CRPPA: variants seen among roughly 807,000 people sequenced by gnomAD.
CRPPA encodes the protein D-ribitol-5-phosphate cytidylyltransferase.
In CRPPA, 43 loss-of-function variants were observed where a neutral mutation model predicts 52.0. That is an observed-to-expected ratio of 0.83 (90% CI 0.65 to 1.07). The LOEUF is 1.07. Among genes scored for constraint, CRPPA ranks in the 50% least tolerant of loss-of-function variants. The probability of loss-of-function intolerance (pLI) is 0.00; values close to 1 mark genes in which losing one functional copy is unlikely to be tolerated. For synonymous variants in CRPPA, 250 were observed against 203.5 expected (o/e 1.23, Z -1.94); for missense variants, 629 against 551.7 (o/e 1.14, Z -1.40).
intron 3 of CRPPA, among the ~76,000 whole-genome samples, chr7:16,323,039 G>A (rs758431844): frequency 2.6e-5 from 4 of 152,062 alleles, no homozygotes; most frequent in Non-Finnish European, 5.9e-5. Flanking sequence ...CCGACCCTAT[G>A]ATCTAATTAC....
chr7:16,126,180 T>C (rs1261333266), intron 9 of CRPPA, among the ~76,000 whole-genome samples: 1 of 152,120 alleles, frequency 6.6e-6, no homozygotes, highest in Non-Finnish European at 1.5e-5. Flanking sequence ...CCAATAAAGC[T>C]ATATTCTTAG....
intron 8 of CRPPA, among the ~76,000 whole-genome samples, chr7:16,251,294 C>T (rs1393128453): frequency 1.3e-5 from 2 of 152,052 alleles, no homozygotes; most frequent in East Asian, 1.9e-4. Flanking sequence ...TTTAACACCC[C>T]ACTGTCAATA....
intron 5 of CRPPA, among the ~76,000 whole-genome samples, chr7:16,287,446 A>C (rs1425262570): frequency 6.6e-6 from 1 of 152,188 alleles, no homozygotes; most frequent in Non-Finnish European, 1.5e-5. Flanking sequence ...CAGGCTCTGT[A>C]CTAGGATCAT....
intron 9 of CRPPA, among the ~76,000 whole-genome samples, chr7:16,108,464 T>C (rs78742158): frequency 0.039 from 5,917 of 151,762 alleles, 375 homozygotes; most frequent in African/African-American, 0.13. Flanking sequence ...ATGAAACAAA[T>C]ATTAAAGATC....
chr7:16,278,083 G>A, intron 6 of CRPPA, 46 bp downstream of exon 6: 5 of 957,754 alleles, frequency 5.2e-6, no homozygotes, highest in Non-Finnish European at 4.9e-6. Flanking sequence ...TACTATAAAA[G>A]TTTTTGGCAA....
intron 9 of CRPPA, among the ~76,000 whole-genome samples, chr7:16,157,877 T>C (rs547913508): frequency 3.4e-4 from 52 of 151,940 alleles, no homozygotes; most frequent in African/African-American, 1.0e-3. Context: ...TATTTCTTTT[T>C]TTTTTTATTT....
intron 9 of CRPPA, among the ~76,000 whole-genome samples, chr7:16,173,525 G>A (rs1527199): frequency 0.47 from 71,393 of 151,916 alleles, 16,932 homozygotes; most frequent in South Asian, 0.62. Flanking sequence ...AACCTACTAC[G>A]TGGACCACTT....
intron 9 of CRPPA, among the ~76,000 whole-genome samples, chr7:16,202,724 C>A (rs145569430): frequency 6.6e-6 from 1 of 152,182 alleles, no homozygotes; most frequent in African/African-American, 2.4e-5. Flanking sequence ...TGGAAAGACA[C>A]GAATGTGATA....
rs1781737949 is a variant in CRPPA, at chr7:16,088,307, T to A, written c.*3388A>T. ...ACCTTGAAGCATAATCACTATTATT[T>A]TTTAAGAGATTTTGGAAAATAAAGT... On this transcript the variant is annotated 3_prime_UTR_variant, in exon 10 of 10. Coordinates refer to ENST00000407010, the MANE Select transcript of CRPPA (RefSeq NM_001101426.4). 1.3e-5 allele frequency: 2 copies of A among 152,184 alleles called. No homozygotes were observed. The allele number at this position is 152,184 out of a possible 1,614,324, so 9.4% of individuals were successfully genotyped here. A position where few individuals can be genotyped will look rare whatever the true frequency, so the allele number is the denominator to read the frequency against.
At chr7:16,162,637 G>A (rs1363441668) in intron 9 of CRPPA, among the ~76,000 whole-genome samples, 2 of 152,158 alleles carry the variant, frequency 1.3e-5, no homozygotes, top group African/African-American at 4.8e-5. Flanking sequence ...GTGGTGCTGA[G>A]AAGAATGTAT....
Position 16,127,890 on chromosome 7 carries a change from G to A in CRPPA, c.1252-36091C>T, listed in dbSNP as rs951973494. Among the ~76,000 whole-genome samples, 3 of 152,138 alleles carry A rather than the reference G, an allele frequency of 2.0e-5. 1 individual carries two copies. The highest frequency in any genetic ancestry group is 6.6e-5 in the Admixed American group (1 of 15,250). Reference sequence around the variant, plus strand: ...TTCTTACAATGAATTTTTGTTGACTGATTAAACGTCAAATGTTATGTTAAT... The same window carrying A: ...TTCTTACAATGAATTTTTGTTGACTAATTAAACGTCAAATGTTATGTTAAT... On this transcript the variant is annotated intron_variant, in intron 9 of 9. Transcript: ENST00000407010.
chr7:16,147,010 G>A (rs1782986706), intron 9 of CRPPA, among the ~76,000 whole-genome samples: 1 of 152,198 alleles, frequency 6.6e-6, no homozygotes, highest in South Asian at 2.1e-4. Flanking sequence ...TACGCTGCCT[G>A]CAAGAAACTC....
intron 9 of CRPPA, among the ~76,000 whole-genome samples, chr7:16,161,542 T>C (rs1226094589): frequency 6.6e-6 from 1 of 152,226 alleles, no homozygotes; most frequent in Non-Finnish European, 1.5e-5. Context: ...GCCAACTTGA[T>C]CATGGTGGAT....
intron 9 of CRPPA, among the ~76,000 whole-genome samples, chr7:16,205,586 A>G (rs911443267): frequency 4.6e-5 from 7 of 152,162 alleles, no homozygotes; most frequent in African/African-American, 1.7e-4. Flanking sequence ...TATAATCAGC[A>G]TGCTTTAGAA....
rs188405658 is a variant in CRPPA, at chr7:16,367,686, G to A, written c.684+8406C>T. Among the ~76,000 whole-genome samples the A allele has an allele frequency of 1.1e-4, 17 of 152,024 alleles. No individual in the cohort carries two copies. In the East Asian group the frequency reaches 3.3e-3, roughly 29 times the overall value. On this transcript the variant is annotated intron_variant, in intron 3 of 9. Transcript: ENST00000407010. ...TATTTATTCTAGCATGTGGGGTACAGGCAGGCTATGAATTATGAATGGGAA... is the reference window on the plus strand; with the variant it reads ...TATTTATTCTAGCATGTGGGGTACAAGCAGGCTATGAATTATGAATGGGAA...
At chr7:16,407,594 G>T (rs1376212226) in intron 1 of CRPPA, among the ~76,000 whole-genome samples, 1 of 151,760 alleles carries the variant, frequency 6.6e-6, no homozygotes, top group Non-Finnish European at 1.5e-5. Flanking sequence ...ACTGCATAAA[G>T]ATTACCTTTA....
chr7:16,293,910 G>C (rs1277035524), intron 5 of CRPPA, among the ~76,000 whole-genome samples: 2 of 151,956 alleles, frequency 1.3e-5, no homozygotes, highest in African/African-American at 4.8e-5. Context: ...AAGTGGTATA[G>C]TCAAGCATAT....
chr7:16,401,204 A>G (rs1220995244), intron 2 of CRPPA, among the ~76,000 whole-genome samples: 1 of 152,196 alleles, frequency 6.6e-6, no homozygotes, highest in Non-Finnish European at 1.5e-5. Flanking sequence ...GCTCAGGTAT[A>G]ATCCAAGGAG....
chr7:16,236,161 A>G (rs1782944890), intron 8 of CRPPA, among the ~76,000 whole-genome samples: 1 of 152,100 alleles, frequency 6.6e-6, no homozygotes, highest in Non-Finnish European at 1.5e-5. Context: ...ACAACTCAGA[A>G]CTCAGTCATT....
Sources: allele counts gnomAD v4.1 joint callset (sites outside exome capture counted in the v4.1 genomes callset), GRCh38; gene constraint gnomAD v4.1.1; transcripts MANE v1.5; gene names NCBI Gene and HGNC (gene_info 2026-07-23, HGNC 2026-07-21).